ZNF804A: variants seen among roughly 807,000 people sequenced by gnomAD.
ZNF804A encodes zinc finger protein 804A.
A neutral mutation model predicts 16.5 loss-of-function variants in ZNF804A; 2 were observed. That is an observed-to-expected ratio of 0.12 (90% CI 0.05 to 0.38). The LOEUF (loss-of-function observed/expected upper bound fraction) is 0.38. Among genes scored for constraint, ZNF804A ranks in the 10% least tolerant of loss-of-function variants. The pLI is 0.99. For missense variants in ZNF804A, 1,473 were observed against 1,390.7 expected, an observed-to-expected ratio of 1.06 and a Z score of -0.94; for synonymous variants, 534 against 489.6, an observed-to-expected ratio of 1.09 and a Z score of -1.20.
chr2:184,934,445 G>A (rs905400155), intron 3 of ZNF804A, among the ~76,000 whole-genome samples: 16 of 151,970 alleles, frequency 1.1e-4, no homozygotes, highest in African/African-American at 3.6e-4. Context: ...TCTACTTTTT[G>A]CTGAATAATG....
intron 1 of ZNF804A, among the ~76,000 whole-genome samples, chr2:184,686,823 G>A (rs1028914092): frequency 3.9e-5 from 6 of 152,084 alleles, no homozygotes; most frequent in Non-Finnish European, 7.4e-5. Context: ...TACATTTGTT[G>A]GCTGCTTGTA....
intron 1 of ZNF804A, among the ~76,000 whole-genome samples, chr2:184,844,065 G>T (rs1000178832): frequency 6.6e-6 from 1 of 151,792 alleles, no homozygotes; most frequent in African/African-American, 2.4e-5. Context: ...TTTAGTGGTT[G>T]ATTTAGAGTT....
chr2:184,691,229 G>T (rs539569735), intron 1 of ZNF804A, among the ~76,000 whole-genome samples: 2 of 151,886 alleles, frequency 1.3e-5, no homozygotes, highest in Admixed American at 6.6e-5. Context: ...ATAGAATTTT[G>T]CTCTGATCTT....
chr2:184,669,036 C>T (rs946762802), intron 1 of ZNF804A, among the ~76,000 whole-genome samples: 1 of 151,914 alleles, frequency 6.6e-6, no homozygotes, highest in Non-Finnish European at 1.5e-5. Flanking sequence ...TCACTTCCCT[C>T]GGTTTTGTGA....
chr2:184,610,655 C>T (rs1017159869), intron 1 of ZNF804A, among the ~76,000 whole-genome samples: 1 of 151,950 alleles, frequency 6.6e-6, no homozygotes, highest in African/African-American at 2.4e-5. Context: ...TTTGTGTTAC[C>T]TCCTTCAAAA....
chr2:184,633,609 TA>T (rs1691646283), intron 1 of ZNF804A, among the ~76,000 whole-genome samples: 1 of 152,170 alleles, frequency 6.6e-6, no homozygotes, highest in South Asian at 2.1e-4. Flanking sequence ...GTTTTAAGGA[TA>T]AAAAGTTCCA....
At chr2:184,883,000 G>T (rs1423620277) in intron 2 of ZNF804A, among the ~76,000 whole-genome samples, 2 of 151,982 alleles carry the variant, frequency 1.3e-5, no homozygotes, top group Middle Eastern at 3.4e-3. Flanking sequence ...TCCACAATTT[G>T]GTTTTTGGAA....
chr2:184,685,313 G>A (rs1169780654), intron 1 of ZNF804A, among the ~76,000 whole-genome samples: 2 of 152,116 alleles, frequency 1.3e-5, no homozygotes, highest in Non-Finnish European at 2.9e-5. Flanking sequence ...GAGCCCCAAA[G>A]AGAGTGTCAC....
chr2:184,639,571 TTAAA>T (rs1426478459), intron 1 of ZNF804A, among the ~76,000 whole-genome samples: 2 of 152,120 alleles, frequency 1.3e-5, no homozygotes, highest in Non-Finnish European at 2.9e-5. Context: ...AGAATGCCTA[TTAAA>T]TAAATGCATG....
Position 184,936,265 on chromosome 2 carries a change from CTG to C in ZNF804A, c.871_872del (p.Val291SerfsTer10). 1 of 1,613,968 alleles carries C rather than the reference CTG, an allele frequency of 6.2e-7. No individual in the cohort carries two copies. The highest frequency in any genetic ancestry group is 8.5e-7 in the Non-Finnish European group (1 of 1,179,950). On this transcript the variant is annotated frameshift_variant, in exon 4 of 4. Coordinates refer to ENST00000302277, the MANE Select transcript of ZNF804A (RefSeq NM_194250.2). LOFTEE classifies it low-confidence loss of function (END_TRUNC). ...GAGGCAATGTGCAGAGACAAAGAAA[CTG>C]TTCAAACTCAAGAGATAAAAGAAGT...
intron 1 of ZNF804A, among the ~76,000 whole-genome samples, chr2:184,792,904 T>C (rs917287978): frequency 6.6e-6 from 1 of 152,062 alleles, no homozygotes; most frequent in African/African-American, 2.4e-5. Context: ...CAATAGGTAG[T>C]TTTTAACCCA....
chr2:184,645,631 A>G (rs535122106), intron 1 of ZNF804A, among the ~76,000 whole-genome samples: 40 of 152,340 alleles, frequency 2.6e-4, no homozygotes, highest in African/African-American at 7.9e-4. Flanking sequence ...ATTTTAAGCT[A>G]TGACAGCAAG....
rs931183406 is a variant in ZNF804A at position 184,939,475 on chromosome 2, G to A, written c.*449G>A. The A allele has an allele frequency of 1.3e-5, 2 of 152,974 alleles. No individual in the cohort carries two copies. Among genetic ancestry groups the A allele is most frequent in the African/African-American group, 4.8e-5 (2 of 41,406 alleles). The allele number at this position is 152,974 out of a possible 1,614,324, so 9.5% of individuals were successfully genotyped here. On this transcript the variant is annotated 3_prime_UTR_variant, in exon 4 of 4. Transcript: ENST00000302277. ...AAAATATCTCTTGCAATAAATTTTT[G>A]TTAACTATTTAAGTAAATCGAACTT...
rs559751726 is a variant in ZNF804A, at chr2:184,603,608, A to C, written c.111+4538A>C. ...GTGGCACTTTAAGAGTGTGCATGTA[A>C]GACTAAAGAGATCAATTGGTGAATT... On this transcript the variant is annotated intron_variant, in intron 1 of 3. Coordinates refer to ENST00000302277, the MANE Select transcript of ZNF804A (RefSeq NM_194250.2). 3.2e-4 allele frequency among the ~76,000 whole-genome samples: 48 copies of C among 152,304 alleles called. 1 individual carries two copies. Among genetic ancestry groups the C allele is most frequent in the Admixed American group, 3.1e-3 (47 of 15,302 alleles).
At chr2:184,916,879 A>C (rs1685457437) in intron 2 of ZNF804A, among the ~76,000 whole-genome samples, 1 of 151,596 alleles carries the variant, frequency 6.6e-6, no homozygotes, top group Admixed American at 6.6e-5. Flanking sequence ...CAAAACAAAA[A>C]CAGAAAAAGA....
At chr2:184,905,919 TG>T (rs1685267899) in intron 2 of ZNF804A, among the ~76,000 whole-genome samples, 1 of 152,204 alleles carries the variant, frequency 6.6e-6, no homozygotes, top group African/African-American at 2.4e-5. Context: ...GCAGATTCAG[TG>T]TTCTGGACTG....
At chr2:184,729,717 A>G (rs899840122) in intron 1 of ZNF804A, among the ~76,000 whole-genome samples, 1 of 152,034 alleles carries the variant, frequency 6.6e-6, no homozygotes, top group African/African-American at 2.4e-5. Flanking sequence ...TTTTTCCTCA[A>G]CTCTATGTAT....
rs748742220 is a variant in ZNF804A at position 184,933,589 on chromosome 2, C to CT, written c.256-6dup. On this transcript the variant is annotated splice_polypyrimidine_tract_variant and intron_variant, in intron 2 of 3. Coordinates refer to ENST00000302277, the MANE Select transcript of ZNF804A (RefSeq NM_194250.2). ...CAAAATACAATTAATCATTTTCCAA[C>CT]TTTTTTTTAACAGAGGCTCAAGGAA... is the stretch of plus-strand genomic sequence containing the variant. 4.2e-5 allele frequency: 66 copies of CT among 1,569,162 alleles called. No individual in the cohort carries two copies. Among genetic ancestry groups the CT allele is most frequent in the African/African-American group, 3.7e-4 (27 of 72,014 alleles).
chr2:184,717,402 ATT>A (rs1391944432), intron 1 of ZNF804A, among the ~76,000 whole-genome samples: 1 of 152,004 alleles, frequency 6.6e-6, no homozygotes. Context: ...TTCCAAAATA[ATT>A]TTTCAACATC....
Sources: allele counts gnomAD v4.1 joint callset (sites outside exome capture counted in the v4.1 genomes callset), GRCh38; gene constraint gnomAD v4.1.1; transcripts MANE v1.5; gene names NCBI Gene and HGNC (gene_info 2026-07-23, HGNC 2026-07-21).